The following TACR1 variants were observed in gnomAD, a reference collection of about 807,000 sequenced individuals.
TACR1 encodes tachykinin receptor 1, also known as substance-P receptor.
Under a neutral mutation model 35.8 loss-of-function variants are expected in TACR1, and 25 were observed. The observed-to-expected ratio is 0.70, with a 90% confidence interval of 0.51 to 0.98. TACR1 has a LOEUF of 0.98. TACR1 is among the 50% of genes least tolerant of loss of function. The probability of loss-of-function intolerance (pLI) is 0.00; values close to 1 mark genes in which losing one functional copy is unlikely to be tolerated. For synonymous variants in TACR1, 195 were observed against 206.7 expected (o/e 0.94, Z 0.48); for missense variants, 478 against 522.9 (o/e 0.91, Z 0.84).
At chr2:75,131,098 T>C (rs1674168469) in intron 1 of TACR1, among the ~76,000 whole-genome samples, 1 of 146,318 alleles carries the variant, frequency 6.8e-6, no homozygotes, top group Non-Finnish European at 1.5e-5. Context: ...TTTTTTTTTC[T>C]TTTTTTTTTT....
chr2:75,169,266 C>G (rs922876915), intron 1 of TACR1, among the ~76,000 whole-genome samples: 2 of 151,906 alleles, frequency 1.3e-5, no homozygotes, highest in African/African-American at 4.8e-5. Flanking sequence ...TTCGTTTATT[C>G]CTCCTTTGAG....
intron 4 of TACR1, 84 bp from the exon 5 acceptor site, chr2:75,049,807 A>G: frequency 1.4e-6 from 2 of 1,406,402 alleles, no homozygotes; most frequent in South Asian, 1.4e-5. Context: ...TTGTTAACAC[A>G]TGGACATACC....
chr2:75,165,879 A>G (rs941201435), intron 1 of TACR1, among the ~76,000 whole-genome samples: 1 of 152,176 alleles, frequency 6.6e-6, no homozygotes, highest in Non-Finnish European at 1.5e-5. Flanking sequence ...CCTCCGTTGT[A>G]TAGCAAACTC....
At chr2:75,118,216 A>G (rs1040519556) in intron 2 of TACR1, among the ~76,000 whole-genome samples, 9 of 152,254 alleles carry the variant, frequency 5.9e-5, no homozygotes, top group Admixed American at 5.2e-4. Flanking sequence ...GTCTAGAAAA[A>G]TAATATAATG....
chr2:75,110,637 CATAAT>C (rs1673732011), intron 2 of TACR1, among the ~76,000 whole-genome samples: 1 of 151,626 alleles, frequency 6.6e-6, no homozygotes, highest in African/African-American at 2.4e-5. Flanking sequence ...ATATTATGAT[CATAAT>C]ATATGATCGG....
At chr2:75,140,093 C>G (rs1266178857) in intron 1 of TACR1, among the ~76,000 whole-genome samples, 2 of 152,122 alleles carry the variant, frequency 1.3e-5, no homozygotes, top group Non-Finnish European at 2.9e-5. Flanking sequence ...TTATCTCTAT[C>G]TTTCCTGGCC....
intron 2 of TACR1, among the ~76,000 whole-genome samples, chr2:75,075,199 A>G (rs1481581223): frequency 6.6e-6 from 1 of 152,240 alleles, no homozygotes; most frequent in Admixed American, 6.5e-5. Context: ...AGGGATATAC[A>G]GATTAAGACC....
At chr2:75,142,274 C>T (rs1323453462) in intron 1 of TACR1, among the ~76,000 whole-genome samples, 11 of 152,116 alleles carry the variant, frequency 7.2e-5, no homozygotes, top group Non-Finnish European at 1.6e-4. Flanking sequence ...AATTCTCATG[C>T]CAGGATTAAA....
chr2:75,178,251 C>T (rs1169958641), intron 1 of TACR1, among the ~76,000 whole-genome samples: 1 of 151,486 alleles, frequency 6.6e-6, no homozygotes, highest in African/African-American at 2.4e-5. Context: ...GTGGTGTCAT[C>T]TCGGCTCACT....
At chr2:75,158,757 T>C (rs1674928461) in intron 1 of TACR1, among the ~76,000 whole-genome samples, 1 of 152,148 alleles carries the variant, frequency 6.6e-6, no homozygotes, top group Non-Finnish European at 1.5e-5. Flanking sequence ...GAAGCAGAAC[T>C]GAAAAGAGAG....
chr2:75,146,020 T>A (rs899448768), intron 1 of TACR1, among the ~76,000 whole-genome samples: 4 of 152,102 alleles, frequency 2.6e-5, no homozygotes, highest in Admixed American at 2.6e-4. Flanking sequence ...TAGAGAATAT[T>A]AACATTCACA....
intron 1 of TACR1, among the ~76,000 whole-genome samples, chr2:75,153,105 A>G (rs560236852): frequency 8.5e-5 from 13 of 152,122 alleles, no homozygotes; most frequent in East Asian, 5.8e-4. Context: ...GTTTCACTAT[A>G]TTGGCCAGGC....
At chr2:75,097,079 C>T (rs951213639) in intron 2 of TACR1, among the ~76,000 whole-genome samples, 3 of 152,226 alleles carry the variant, frequency 2.0e-5, no homozygotes, top group Admixed American at 6.5e-5. Context: ...ATTTTTCTCT[C>T]CTCTTTACCA....
chr2:75,143,943 C>G (rs1032430913), intron 1 of TACR1, among the ~76,000 whole-genome samples: 1 of 152,160 alleles, frequency 6.6e-6, no homozygotes, highest in South Asian at 2.1e-4. Flanking sequence ...TCCCTAACTT[C>G]CAAGCGTGTA....
At chr2:75,097,534 G>A (rs911916534) in intron 2 of TACR1, among the ~76,000 whole-genome samples, 2 of 152,058 alleles carry the variant, frequency 1.3e-5, no homozygotes, top group African/African-American at 4.8e-5. Context: ...CAAAATCATG[G>A]GGCTCAACAT....
chr2:75,115,197 A>T (rs1227846337), intron 2 of TACR1, among the ~76,000 whole-genome samples: 1 of 151,100 alleles, frequency 6.6e-6, no homozygotes, highest in Non-Finnish European at 1.5e-5. Flanking sequence ...CAGATTATAA[A>T]ATATATATAT....
intron 1 of TACR1, among the ~76,000 whole-genome samples, chr2:75,163,464 A>G (rs1235002846): frequency 6.6e-6 from 1 of 152,218 alleles, no homozygotes; most frequent in Non-Finnish European, 1.5e-5. Context: ...TTTGTGTTTC[A>G]TAGGCATATA....
chr2:75,114,421 A>G (rs10172781), intron 2 of TACR1, among the ~76,000 whole-genome samples: 32,201 of 151,910 alleles, frequency 0.21, 4,482 homozygotes, highest in East Asian at 0.49. Flanking sequence ...CTTGGCCTTG[A>G]TTGTGGGTTC....
At chr2:75,106,757 A>G (rs991906681) in intron 2 of TACR1, among the ~76,000 whole-genome samples, 1 of 151,992 alleles carries the variant, frequency 6.6e-6, no homozygotes, top group Admixed American at 6.6e-5. Context: ...TAGGATAACT[A>G]TTTATATAAC....
Sources: gnomAD v4.1 joint callset for allele counts (sites outside exome capture counted in the v4.1 genomes callset) on GRCh38, gnomAD v4.1.1 for gene constraint, MANE v1.5 for transcripts, NCBI Gene and HGNC (gene_info 2026-07-23, HGNC 2026-07-21) for gene names.